MBTD1: variants seen among roughly 807,000 people sequenced by gnomAD.
MBTD1 encodes the protein mbt domain containing 1.
A neutral mutation model predicts 87.8 loss-of-function variants in MBTD1; 24 were observed. The ratio of observed to expected loss-of-function variants is 0.27; its 90% CI spans 0.20 to 0.38. The LOEUF (loss-of-function observed/expected upper bound fraction) is 0.38. Ranked by LOEUF, MBTD1 falls within the 10% of genes least tolerant of loss-of-function variation. MBTD1 has a pLI of 1.00. For synonymous variants in MBTD1, 237 were observed against 248.6 expected (o/e 0.95, Z 0.44); for missense variants, 436 against 760.2 (o/e 0.57, Z 5.02).
chr17:51,250,168 G>A (rs2054693761), intron 2 of MBTD1: 4 of 150,932 alleles, frequency 2.7e-5, no homozygotes, highest in Admixed American at 2.0e-4. Context: ...GCCTCCCAAA[G>A]TGCTGGGATT....
intron 4 of MBTD1, among the ~76,000 whole-genome samples, chr17:51,219,764 T>C (rs1369324310): frequency 6.6e-6 from 1 of 152,220 alleles, no homozygotes; most frequent in Non-Finnish European, 1.5e-5. Flanking sequence ...AATACAATAG[T>C]AAGAACTTAG....
intron 5 of MBTD1, among the ~76,000 whole-genome samples, chr17:51,217,694 T>A (rs1013318842): frequency 2.0e-5 from 3 of 152,190 alleles, no homozygotes; most frequent in Non-Finnish European, 4.4e-5. Flanking sequence ...CTGGAACTTC[T>A]GCTTCCCAGG....
intron 12 of MBTD1, among the ~76,000 whole-genome samples, chr17:51,201,385 T>C (rs2051481711): frequency 6.6e-6 from 1 of 152,210 alleles, no homozygotes; most frequent in Non-Finnish European, 1.5e-5. Context: ...TAAATAAGTG[T>C]AGCAGACTCA....
intron 16 of MBTD1, chr17:51,186,325 C>G (rs997523567): frequency 2.0e-5 from 3 of 152,238 alleles, no homozygotes; most frequent in Admixed American, 2.0e-4. Context: ...AAAAGAGAAC[C>G]AATTATGCAA....
At chr17:51,192,026 A>G in intron 16 of MBTD1, 177 bp downstream of exon 16, 1 of 603,026 alleles carries the variant, frequency 1.7e-6, no homozygotes, top group East Asian at 2.9e-5. Context: ...TTAGTAAAAT[A>G]TCAGTGTTTC....
At chr17:51,227,259 A>AT (rs2053281374) in intron 2 of MBTD1, among the ~76,000 whole-genome samples, 1 of 97,850 alleles carries the variant, frequency 1.0e-5, no homozygotes, top group Admixed American at 1.0e-4. Flanking sequence ...AAAAAAAAAA[A>AT]AAAAAAAAAT....
At chr17:51,181,764 A>T (rs1266582639) in intron 16 of MBTD1, among the ~76,000 whole-genome samples, 2 of 152,212 alleles carry the variant, frequency 1.3e-5, no homozygotes, top group African/African-American at 4.8e-5. Flanking sequence ...GCCAGTTCAA[A>T]GCTGAGTGCC....
intron 2 of MBTD1, among the ~76,000 whole-genome samples, chr17:51,244,064 T>C (rs969550735): frequency 7.9e-5 from 12 of 152,232 alleles, no homozygotes; most frequent in African/African-American, 2.9e-4. Flanking sequence ...GTATACTACG[T>C]ATTTCTCCTT....
At chr17:51,240,093 C>T (rs2054078109) in intron 2 of MBTD1, among the ~76,000 whole-genome samples, 1 of 152,070 alleles carries the variant, frequency 6.6e-6, no homozygotes, top group Admixed American at 6.6e-5. Context: ...AGACTTTTTA[C>T]CCTTTTTCTA....
intron 3 of MBTD1, among the ~76,000 whole-genome samples, chr17:51,223,393 AG>A (rs1407739382): frequency 3.4e-4 from 52 of 151,692 alleles, no homozygotes; most frequent in African/African-American, 1.2e-3. Flanking sequence ...AAAATTAGCC[AG>A]GTATGGTAGC....
At chr17:51,249,068 T>C (rs2054618177) in intron 2 of MBTD1, among the ~76,000 whole-genome samples, 1 of 148,528 alleles carries the variant, frequency 6.7e-6, no homozygotes, top group Admixed American at 6.8e-5. Context: ...CTGGGCAACA[T>C]GGCGAGACTT....
chr17:51,236,365 C>T (rs1402367212), intron 2 of MBTD1, among the ~76,000 whole-genome samples: 2 of 152,142 alleles, frequency 1.3e-5, no homozygotes, highest in Admixed American at 6.5e-5. Context: ...CCTGCCTCAG[C>T]CTCCTGAGTG....
intron 6 of MBTD1, among the ~76,000 whole-genome samples, chr17:51,215,856 C>T (rs1220312236): frequency 6.6e-6 from 1 of 151,660 alleles, no homozygotes. Flanking sequence ...AGTGAAAATT[C>T]ACTTAGATTT....
intron 5 of MBTD1, among the ~76,000 whole-genome samples, chr17:51,217,649 C>T (rs1338319021): frequency 6.6e-6 from 1 of 152,136 alleles, no homozygotes; most frequent in East Asian, 1.9e-4. Context: ...CCCTCTGACA[C>T]CTAGGCTGGA....
In MBTD1 at chr17:51,192,186, A is replaced by G; in HGVS notation, c.1768+17T>C. On this transcript the variant is annotated intron_variant, in intron 16 of 16. Coordinates refer to ENST00000586178, the MANE Select transcript of MBTD1 (RefSeq NM_017643.3). Reference sequence around the variant, plus strand: ...TAACAATTAGAAAATGTATGTGAACACCACGTGGTGACCCACTTTTCTTAT... The same window carrying G: ...TAACAATTAGAAAATGTATGTGAACGCCACGTGGTGACCCACTTTTCTTAT... 1.3e-6 allele frequency: 2 copies of G among 1,530,196 alleles called. No individual in the cohort carries two copies. The highest frequency in any genetic ancestry group is 1.8e-6 in the Non-Finnish European group (2 of 1,128,184). The allele number at this position is 1,530,196 out of a possible 1,614,324, so 94.8% of individuals were successfully genotyped here.
chr17:51,250,750 A>G (rs2054731685), intron 2 of MBTD1: 1 of 152,206 alleles, frequency 6.6e-6, no homozygotes, highest in African/African-American at 2.4e-5. Flanking sequence ...TCACTTCCAG[A>G]AAGTTTTCTT....
chr17:51,240,820 CT>C (rs1469703703), intron 2 of MBTD1, among the ~76,000 whole-genome samples: 1 of 152,106 alleles, frequency 6.6e-6, no homozygotes, highest in East Asian at 1.9e-4. Context: ...TGGAATTCTT[CT>C]GTATAGATTT....
chr17:51,259,183 T>G lies in MBTD1; in HGVS notation c.-89A>C. On this transcript the variant is annotated 5_prime_UTR_variant, in exon 2 of 17. Transcript: ENST00000586178. ...CTGCAGAGGGGACGGCTGCTTTGGA[T>G]GACCTCTAATGTCTCTTCCGACTCT... 4.6e-5 allele frequency: 49 copies of G among 1,069,654 alleles called. No individual in the cohort carries two copies. Among genetic ancestry groups the G allele is most frequent in the South Asian group, 9.5e-5 (2 of 21,118 alleles). 66.3% of individuals were successfully genotyped at this position (1,069,654 alleles called of 1,614,324 possible).
intron 15 of MBTD1, 149 bp downstream of exon 15, chr17:51,192,633 T>C (rs965736406): frequency 7.3e-6 from 10 of 1,374,554 alleles, no homozygotes; most frequent in Admixed American, 7.0e-5. Flanking sequence ...TTCTGTGATA[T>C]TGTTGTTGAG....
Sources: gnomAD v4.1 joint callset for allele counts (sites outside exome capture counted in the v4.1 genomes callset) on GRCh38, gnomAD v4.1.1 for gene constraint, MANE v1.5 for transcripts, NCBI Gene and HGNC (gene_info 2026-07-23, HGNC 2026-07-21) for gene names.